Variants in SRSF10 observed in about 807,000 individuals in gnomAD.
The protein encoded by SRSF10 is serine/arginine-rich splicing factor 10.
SRSF10 carries 9 observed loss-of-function variants against 32.6 expected under a neutral mutation model. The ratio of observed to expected loss-of-function variants is 0.28; its 90% CI spans 0.17 to 0.48. The LOEUF is 0.48. Ranked by LOEUF, SRSF10 falls within the 20% of genes least tolerant of loss-of-function variation. The probability of loss-of-function intolerance (pLI) is 0.99; values close to 1 mark genes in which losing one functional copy is unlikely to be tolerated. For missense variants in SRSF10, 201 were observed against 331.8 expected, an observed-to-expected ratio of 0.61 and a Z score of 3.06; for synonymous variants, 105 against 112.4, an observed-to-expected ratio of 0.93 and a Z score of 0.42.
intron 4 of SRSF10, 45 bp downstream of exon 4, chr1:23,971,805 A>G: frequency 6.4e-7 from 1 of 1,564,144 alleles, no homozygotes; most frequent in Middle Eastern, 1.7e-4. Flanking sequence ...AAATGCTAAC[A>G]AATACATTTT....
chr1:23,974,191 C>T (rs1166467416), intron 3 of SRSF10, among the ~76,000 whole-genome samples: 2 of 152,038 alleles, frequency 1.3e-5, no homozygotes, highest in African/African-American at 4.8e-5. Context: ...CGGGGTTTTA[C>T]CATGACCTTG....
chr1:23,974,871 CTTTGGGT>C (rs1259007854), intron 3 of SRSF10, 96 bp downstream of exon 3: 1 of 848,244 alleles, frequency 1.2e-6, no homozygotes, highest in African/African-American at 1.7e-5. Context: ...AAAAAGATCC[CTTTGGGT>C]TTTGAACAGA....
Position 23,965,776 on chromosome 1 carries a change from ATATG to A in SRSF10, c.*5362_*5365del. ...TACCAACTGTTGTTATTGTAGTTAT[ATATG>A]TATTTACCTAATTTTTTTTAAACAA... On this transcript the variant is annotated 3_prime_UTR_variant, in exon 6 of 6. Coordinates refer to ENST00000492112, the MANE Select transcript of SRSF10 (RefSeq NM_054016.4). 1 of 152,068 alleles carries A rather than the reference ATATG, an allele frequency of 6.6e-6. No homozygotes were observed. Among genetic ancestry groups the A allele is most frequent in the African/African-American group, 2.4e-5 (1 of 41,568 alleles). 9.4% of individuals were successfully genotyped at this position (152,068 alleles called of 1,614,324 possible). A position where few individuals can be genotyped will look rare whatever the true frequency, so the allele number is the denominator to read the frequency against.
At position 23,967,809 on chromosome 1, in the gene SRSF10, A is replaced by G; in HGVS notation, c.*3333T>C. On this transcript the variant is annotated 3_prime_UTR_variant, in exon 6 of 6. Coordinates refer to ENST00000492112, the MANE Select transcript of SRSF10 (RefSeq NM_054016.4). Reference sequence around the variant, plus strand: ...GGATTTTGTTAGTTGAACTGGATGTAGCAGCTTACTGGGCCAAATTTTCAA... The same window carrying G: ...GGATTTTGTTAGTTGAACTGGATGTGGCAGCTTACTGGGCCAAATTTTCAA... 1.3e-6 allele frequency: 2 copies of G among 1,586,244 alleles called. No individual in the cohort carries two copies. Among genetic ancestry groups the G allele is most frequent in the Admixed American group, 1.8e-5 (1 of 56,290 alleles).
At position 23,964,925 on chromosome 1, in the gene SRSF10, T is replaced by C. The variant is rs1641381598; in HGVS notation, c.*6217A>G. The C allele has an allele frequency of 6.6e-6, 1 of 151,958 alleles. No individual in the cohort carries two copies. Among genetic ancestry groups the C allele is most frequent in the African/African-American group, 2.4e-5 (1 of 41,424 alleles). The allele number at this position is 151,958 out of a possible 1,614,324, so 9.4% of individuals were successfully genotyped here. ...CAAACTACGGTTAGTTCTCAATGAA[T>C]TTACATGCCTCACTTTTTATTCCAA... On this transcript the variant is annotated 3_prime_UTR_variant, in exon 6 of 6. Transcript: ENST00000492112.
intron 3 of SRSF10, among the ~76,000 whole-genome samples, chr1:23,974,301 T>A (rs1342133708): frequency 6.6e-6 from 1 of 152,108 alleles, no homozygotes; most frequent in Non-Finnish European, 1.5e-5. Flanking sequence ...TTGCCCAAGG[T>A]AACATAATGG....
At position 23,969,604 on chromosome 1, in the gene SRSF10, G is replaced by A; in HGVS notation, c.*1538C>T. On this transcript the variant is annotated 3_prime_UTR_variant, in exon 6 of 6. Transcript: ENST00000492112. The stretch of plus-strand genomic sequence containing the variant: ...AATCGTTTGTCCATAATTCGTACTT[G>A]TATCTGTAAGCAAGCAATCTGAGAT... The A allele has an allele frequency of 1.0e-6, 1 of 985,084 alleles. No homozygotes were observed. Among genetic ancestry groups the A allele is most frequent in the Non-Finnish European group, 1.2e-6 (1 of 829,644 alleles). 61.0% of individuals were successfully genotyped at this position (985,084 alleles called of 1,614,324 possible). A position where few individuals can be genotyped will look rare whatever the true frequency, so the allele number is the denominator to read the frequency against.
rs1641524226 is a variant in SRSF10, at chr1:23,967,818, C to T, written c.*3324G>A. On this transcript the variant is annotated 3_prime_UTR_variant, in exon 6 of 6. Coordinates refer to ENST00000492112, the MANE Select transcript of SRSF10 (RefSeq NM_054016.4). ...TAGTTGAACTGGATGTAGCAGCTTACTGGGCCAAATTTTCAAGAGAATAAT... is the reference window on the plus strand; with the variant it reads ...TAGTTGAACTGGATGTAGCAGCTTATTGGGCCAAATTTTCAAGAGAATAAT... 4 of 1,576,150 alleles carry T rather than the reference C, an allele frequency of 2.5e-6. No homozygotes were observed. The South Asian group carries it at 3.4e-5, about 13-fold the overall frequency.
At chr1:23,980,066 A>C in intron 1 of SRSF10, 125 bp downstream of exon 1, 1 of 1,105,650 alleles carries the variant, frequency 9.0e-7, no homozygotes, top group Non-Finnish European at 1.2e-6. Context: ...TCGGCGCCAA[A>C]GCGGGCGCGG....
At chr1:23,971,729 ATTT>A in intron 4 of SRSF10, 103 bp from the exon 5 acceptor site, 1 of 1,509,598 alleles carries the variant, frequency 6.6e-7, no homozygotes, top group East Asian at 2.3e-5. Flanking sequence ...ATGCTACAGT[ATTT>A]TTTGTCTCAA....
At position 23,967,781 on chromosome 1, in the gene SRSF10, A is replaced by G; in HGVS notation, c.*3361T>C. The G allele has an allele frequency of 1.2e-6, 2 of 1,601,688 alleles. No homozygotes were observed. Among genetic ancestry groups the G allele is most frequent in the South Asian group, 2.2e-5 (2 of 90,030 alleles). On this transcript the variant is annotated 3_prime_UTR_variant, in exon 6 of 6. Transcript: ENST00000492112. The stretch of plus-strand genomic sequence containing the variant: ...TTTCCTTTATTCTTCTCTGTGGTAT[A>G]CAGGATTTTGTTAGTTGAACTGGAT...
chr1:23,970,082 T>C lies in SRSF10; in HGVS notation c.*1060A>G. On this transcript the variant is annotated 3_prime_UTR_variant, in exon 6 of 6. Transcript: ENST00000492112. ...CAGCAGTAAGAAAACTAAGCAATAT[T>C]ATGGTCAACAACGCTCCTTAAACTT... 1.0e-6 allele frequency: 1 copy of C among 985,442 alleles called. No individual in the cohort carries two copies. Among genetic ancestry groups the C allele is most frequent in the South Asian group, 4.7e-5 (1 of 21,288 alleles). The allele number at this position is 985,442 out of a possible 1,614,324, so 61.0% of individuals were successfully genotyped here. A position where few individuals can be genotyped will look rare whatever the true frequency, so the allele number is the denominator to read the frequency against.
Position 23,980,299 on chromosome 1 carries a change from A to C in SRSF10, c.-44T>G, listed in dbSNP as rs2148516468. 7.1e-7 allele frequency: 1 copy of C among 1,407,286 alleles called. No individual in the cohort carries two copies. 87.2% of individuals were successfully genotyped at this position (1,407,286 alleles called of 1,614,324 possible). A position where few individuals can be genotyped will look rare whatever the true frequency, so the allele number is the denominator to read the frequency against. On this transcript the variant is annotated 5_prime_UTR_variant, in exon 1 of 6. Coordinates refer to ENST00000492112, the MANE Select transcript of SRSF10 (RefSeq NM_054016.4). Reference sequence around the variant, plus strand: ...CCGGGCGCACTAACGGGCTCAGCAAACCGTCCGCGGCTCAGGCGGCCGAGC... The same window carrying C: ...CCGGGCGCACTAACGGGCTCAGCAACCCGTCCGCGGCTCAGGCGGCCGAGC...
Position 23,968,993 on chromosome 1 carries a change from T to G in SRSF10, c.*2149A>C. On this transcript the variant is annotated 3_prime_UTR_variant, in exon 6 of 6. Coordinates refer to ENST00000492112, the MANE Select transcript of SRSF10 (RefSeq NM_054016.4). ...TAGTTGTGCCTAGTGCAACAATGAT[T>G]TAAAATATTCCTAAATCTATAAAGG... 9.9e-6 allele frequency: 6 copies of G among 608,386 alleles called. No homozygotes were observed. Among genetic ancestry groups the G allele is most frequent in the Non-Finnish European group, 1.2e-5 (6 of 486,024 alleles). The allele number at this position is 608,386 out of a possible 1,614,324, so 37.7% of individuals were successfully genotyped here.
intron 2 of SRSF10, among the ~76,000 whole-genome samples, chr1:23,978,484 A>T (rs1214619917): frequency 1.3e-5 from 2 of 152,200 alleles, no homozygotes; most frequent in Non-Finnish European, 2.9e-5. Flanking sequence ...CACATATATA[A>T]TCATCGATAT....
At position 23,978,802 on chromosome 1, in the gene SRSF10, C is replaced by A. The variant is rs2148513387; in HGVS notation, c.81G>T (p.Arg27=). 2.5e-6 allele frequency: 4 copies of A among 1,605,012 alleles called. No individual in the cohort carries two copies. The East Asian group carries it at 6.7e-5, about 27-fold the overall frequency. ...TAGGACCATAACGACCAAATTCACG[C>A]CGCAAGTCTTCAGACCTAAAACATC... ...VADDTRSEDL[R]REFGRYGPIV... Residue 27 remains arginine (R), a synonymous_variant, in exon 2 of 6, where the codon CGG becomes CGT. Coordinates refer to ENST00000492112, the MANE Select transcript of SRSF10 (RefSeq NM_054016.4).
rs1642381128 is a variant in SRSF10, at chr1:23,980,262, G to A, written c.-7C>T. On this transcript the variant is annotated 5_prime_UTR_variant, in exon 1 of 6. Coordinates refer to ENST00000492112, the MANE Select transcript of SRSF10 (RefSeq NM_054016.4). ...GACGCAGGTAGCGGGACATGGCGGCGGCGTGTCTCGGCCGGGCGCACTAAC... is the reference window on the plus strand; with the variant it reads ...GACGCAGGTAGCGGGACATGGCGGCAGCGTGTCTCGGCCGGGCGCACTAAC... 4 of 1,485,804 alleles carry A rather than the reference G, an allele frequency of 2.7e-6. No individual in the cohort carries two copies. The highest frequency in any genetic ancestry group is 1.5e-5 in the African/African-American group (1 of 68,370). 92.0% of individuals were successfully genotyped at this position (1,485,804 alleles called of 1,614,324 possible).
At position 23,969,379 on chromosome 1, in the gene SRSF10, A is replaced by G. The variant is rs1430284906; in HGVS notation, c.*1763T>C. The G allele has an allele frequency of 1.3e-5, 13 of 985,652 alleles. No individual in the cohort carries two copies. Among genetic ancestry groups the G allele is most frequent in the Non-Finnish European group, 1.6e-5 (13 of 829,830 alleles). The allele number at this position is 985,652 out of a possible 1,614,324, so 61.1% of individuals were successfully genotyped here. A position where few individuals can be genotyped will look rare whatever the true frequency, so the allele number is the denominator to read the frequency against. On this transcript the variant is annotated 3_prime_UTR_variant, in exon 6 of 6. Transcript: ENST00000492112. ...AAAAATTAAAGAAACGTGCATATAAACGATTGCATAGCAGAACATGAACAT... is the reference window on the plus strand; with the variant it reads ...AAAAATTAAAGAAACGTGCATATAAGCGATTGCATAGCAGAACATGAACAT...
chr1:23,978,290 G>A (rs1431640609), intron 2 of SRSF10: 2 of 993,312 alleles, frequency 2.0e-6, no homozygotes, highest in African/African-American at 1.7e-5. Context: ...TAACAACAGA[G>A]GACAGCAAAT....
Sources: gnomAD v4.1 joint callset for allele counts (sites outside exome capture counted in the v4.1 genomes callset) on GRCh38, gnomAD v4.1.1 for gene constraint, MANE v1.5 for transcripts, NCBI Gene and HGNC (gene_info 2026-07-23, HGNC 2026-07-21) for gene names.